The following GLRA1 variants were observed in gnomAD, a reference collection of about 807,000 sequenced individuals.
GLRA1 encodes the protein glycine receptor subunit alpha-1.
GLRA1 carries 37 observed loss-of-function variants against 48.3 expected under a neutral mutation model. The ratio of observed to expected loss-of-function variants is 0.77; its 90% CI spans 0.59 to 1.01. The LOEUF is 1.01. Among genes scored for constraint, GLRA1 ranks in the 50% least tolerant of loss-of-function variants. The pLI is 0.00. For missense variants in GLRA1, 427 were observed against 571.0 expected (o/e 0.75, Z 2.57); for synonymous variants, 196 against 210.7 (o/e 0.93, Z 0.60).
rs370437775 is a variant in GLRA1 at position 151,905,247 on chromosome 5, C to G, written c.57-12809G>C. On this transcript the variant is annotated intron_variant, in intron 1 of 8. Coordinates refer to ENST00000274576, the MANE Select transcript of GLRA1 (RefSeq NM_000171.4). Reference sequence around the variant, plus strand: ...TTCAAGGAAAAAAATGAAAACCCACCTAGAAAACCCATTATCTAGATATCT... The same window carrying G: ...TTCAAGGAAAAAAATGAAAACCCACGTAGAAAACCCATTATCTAGATATCT... Among the ~76,000 whole-genome samples, 9 of 152,112 alleles carry G rather than the reference C, an allele frequency of 5.9e-5. No homozygotes were observed. In the East Asian group the frequency reaches 1.7e-3, roughly 29 times the overall value.
At chr5:151,849,907 G>A in intron 7 of GLRA1, 2 of 1,526,598 alleles carry the variant, frequency 1.3e-6, no homozygotes, top group Non-Finnish European at 1.8e-6. Context: ...ACAGTGACAT[G>A]CATTTCATGC....
intron 7 of GLRA1, among the ~76,000 whole-genome samples, chr5:151,838,475 A>G (rs1276141545): frequency 6.6e-6 from 1 of 152,212 alleles, no homozygotes; most frequent in Admixed American, 6.5e-5. Context: ...TCTCAAAAAA[A>G]GAAATGATAA....
At chr5:151,829,302 A>T (rs1193059861) in intron 7 of GLRA1, among the ~76,000 whole-genome samples, 1 of 152,234 alleles carries the variant, frequency 6.6e-6, no homozygotes, top group Non-Finnish European at 1.5e-5. Context: ...TACTGAAGAG[A>T]AGACAATGGT....
At chr5:151,889,776 A>G (rs1754013017) in intron 2 of GLRA1, among the ~76,000 whole-genome samples, 1 of 152,028 alleles carries the variant, frequency 6.6e-6, no homozygotes, top group Admixed American at 6.5e-5. Flanking sequence ...CGGTGGAAGC[A>G]GGAAAGGCAT....
At chr5:151,919,834 G>A (rs1055751898) in intron 1 of GLRA1, among the ~76,000 whole-genome samples, 30 of 152,238 alleles carry the variant, frequency 2.0e-4, no homozygotes, top group African/African-American at 7.0e-4. Flanking sequence ...CTGCAGAATA[G>A]TTTCAAGATG....
chr5:151,838,233 T>C (rs1465526310), intron 7 of GLRA1, among the ~76,000 whole-genome samples: 3 of 152,134 alleles, frequency 2.0e-5, no homozygotes, highest in Non-Finnish European at 4.4e-5. Flanking sequence ...TTTGGGAGGC[T>C]GAGGCAGGTA....
At chr5:151,844,742 A>G (rs185206105) in intron 7 of GLRA1, among the ~76,000 whole-genome samples, 212 of 152,140 alleles carry the variant, frequency 1.4e-3, no homozygotes, top group African/African-American at 4.6e-3. Context: ...AAATGATACT[A>G]TCAACCAAGT....
chr5:151,924,466 G>A lies in GLRA1; in HGVS notation c.56+28C>T, dbSNP rs199989616. The A allele has an allele frequency of 8.9e-4, 1,230 of 1,387,270 alleles. 2 individuals are homozygous for A. Among genetic ancestry groups the A allele is most frequent in the Middle Eastern group, 1.4e-3 (8 of 5,644 alleles). 85.9% of individuals were successfully genotyped at this position (1,387,270 alleles called of 1,614,324 possible). The stretch of plus-strand genomic sequence containing the variant: ...ACTCTTTCCCCCCATTTCCATCAGA[G>A]CGATGTGGTCAGTAGAAAATTGCAT... On this transcript the variant is annotated intron_variant, in intron 1 of 8. Transcript: ENST00000274576.
At chr5:151,911,981 A>G (rs1754624796) in intron 1 of GLRA1, among the ~76,000 whole-genome samples, 1 of 152,208 alleles carries the variant, frequency 6.6e-6, no homozygotes, top group African/African-American at 2.4e-5. Flanking sequence ...GACAGCTGGA[A>G]TGACCTGTAG....
At chr5:151,850,012 T>C in intron 7 of GLRA1, 1 of 1,602,986 alleles carries the variant, frequency 6.2e-7, no homozygotes, top group Non-Finnish European at 8.5e-7. Context: ...AGTGACCAAT[T>C]TGAGGCACAC....
At chr5:151,863,463 T>C (rs1753254885) in intron 3 of GLRA1, among the ~76,000 whole-genome samples, 1 of 152,036 alleles carries the variant, frequency 6.6e-6, no homozygotes, top group African/African-American at 2.4e-5. Flanking sequence ...TTAAATTTTG[T>C]TACAGAGACA....
intron 1 of GLRA1, among the ~76,000 whole-genome samples, chr5:151,894,550 C>G (rs1277568387): frequency 6.6e-6 from 1 of 152,134 alleles, no homozygotes; most frequent in Non-Finnish European, 1.5e-5. Flanking sequence ...TCCTCCACCC[C>G]ACTACCCCCC....
In GLRA1 at chr5:151,822,593, CCTTCT is replaced by C; in HGVS notation, c.*75_*79del. 3.0e-6 allele frequency: 3 copies of C among 998,938 alleles called. No individual in the cohort carries two copies. Among genetic ancestry groups the C allele is most frequent in the Non-Finnish European group, 4.8e-6 (3 of 621,874 alleles). The allele number at this position is 998,938 out of a possible 1,614,324, so 61.9% of individuals were successfully genotyped here. On this transcript the variant is annotated 3_prime_UTR_variant, in exon 9 of 9. Transcript: ENST00000274576. ...TAAGTGTGCCCCCTCCCTCCGTTCCCCTTCTCTTCCTTAGTCTCTCAGATTCCTGT... is the reference window on the plus strand; with the variant it reads ...TAAGTGTGCCCCCTCCCTCCGTTCCCCTTCCTTAGTCTCTCAGATTCCTGT...
chr5:151,919,947 C>G (rs774284244), intron 1 of GLRA1, among the ~76,000 whole-genome samples: 1 of 152,220 alleles, frequency 6.6e-6, no homozygotes, highest in East Asian at 1.9e-4. Context: ...GTGATGCTGT[C>G]GCAGGACGCG....
chr5:151,885,040 C>G (rs1344155036), intron 3 of GLRA1, among the ~76,000 whole-genome samples: 1 of 152,090 alleles, frequency 6.6e-6, no homozygotes, highest in Non-Finnish European at 1.5e-5. Flanking sequence ...AGATAAGAGG[C>G]CTGTTACTTT....
chr5:151,847,635 C>T (rs1341277027), intron 7 of GLRA1, among the ~76,000 whole-genome samples: 1 of 151,904 alleles, frequency 6.6e-6, no homozygotes, highest in Non-Finnish European at 1.5e-5. Context: ...AGGAGAATCG[C>T]TTGAACCCGG....
chr5:151,828,778 C>G, intron 8 of GLRA1, 143 bp downstream of exon 8: 7 of 850,918 alleles, frequency 8.2e-6, no homozygotes, highest in South Asian at 7.1e-5. Context: ...GCTGAGACCT[C>G]TAGGTCTTTA....
intron 7 of GLRA1, among the ~76,000 whole-genome samples, chr5:151,849,367 C>CTTCCTTTCCTTTCCTTTCCTTTCCT (rs1554083381): frequency 2.8e-5 from 1 of 35,562 alleles, no homozygotes; most frequent in Non-Finnish European, 4.9e-5. Context: ...TCCTTCCTTT[C>CTTCCTTTCCTTTCCTTTCCTTTCCT]TTCCTTTCGT....
chr5:151,836,568 T>C (rs1763582690), intron 7 of GLRA1, among the ~76,000 whole-genome samples: 1 of 152,218 alleles, frequency 6.6e-6, no homozygotes, highest in South Asian at 2.1e-4. Context: ...ACTACAAGGC[T>C]GCAGTAACCA....
Sources: gnomAD v4.1 joint callset for allele counts (sites outside exome capture counted in the v4.1 genomes callset) on GRCh38, gnomAD v4.1.1 for gene constraint, MANE v1.5 for transcripts, NCBI Gene and HGNC (gene_info 2026-07-23, HGNC 2026-07-21) for gene names.